Variants in KLHL8 observed in about 807,000 individuals in gnomAD.
The protein encoded by KLHL8 is kelch like family member 8, also known as kelch-like protein 8.
In KLHL8, 38 loss-of-function variants were observed where a neutral mutation model predicts 63.5. The ratio of observed to expected loss-of-function variants is 0.60; its 90% CI spans 0.46 to 0.78. The LOEUF (loss-of-function observed/expected upper bound fraction) is 0.78, where lower values mean the gene tolerates loss of function less well. Ranked by LOEUF, KLHL8 falls within the 30% of genes least tolerant of loss-of-function variation. KLHL8 has a pLI of 0.00. For missense variants in KLHL8, 566 were observed against 752.4 expected (o/e 0.75, Z 2.90); for synonymous variants, 224 against 254.3 (o/e 0.88, Z 1.13).
intron 1 of KLHL8, among the ~76,000 whole-genome samples, chr4:87,229,445 G>A (rs1002210529): frequency 3.3e-5 from 5 of 150,720 alleles, no homozygotes; most frequent in Non-Finnish European, 7.4e-5. Context: ...TGGTGGGGGG[G>A]GGTGCAGGGA....
At chr4:87,199,670 A>C (rs1038493547) in intron 1 of KLHL8, among the ~76,000 whole-genome samples, 5 of 152,020 alleles carry the variant, frequency 3.3e-5, no homozygotes, top group African/African-American at 7.2e-5. Flanking sequence ...AAAAACAAAA[A>C]AAAAAAATGA....
intron 1 of KLHL8, among the ~76,000 whole-genome samples, chr4:87,196,103 T>C (rs1003404785): frequency 6.6e-6 from 1 of 151,388 alleles, no homozygotes; most frequent in East Asian, 1.9e-4. Context: ...GCTTGAACCA[T>C]CATACGTGGC....
chr4:87,213,960 T>C (rs1046280444), intron 1 of KLHL8, among the ~76,000 whole-genome samples: 1 of 152,164 alleles, frequency 6.6e-6, no homozygotes, highest in African/African-American at 2.4e-5. Context: ...GCCTCAGCTC[T>C]AAGGTTGTTG....
intron 8 of KLHL8, among the ~76,000 whole-genome samples, chr4:87,169,167 C>T (rs1730540265): frequency 6.6e-6 from 1 of 151,864 alleles, no homozygotes; most frequent in Admixed American, 6.6e-5. Flanking sequence ...TAGCTGGGCA[C>T]GGTAGCACAC....
chr4:87,224,627 T>C (rs1732940804), upstream of KLHL8, among the ~76,000 whole-genome samples: 1 of 152,104 alleles, frequency 6.6e-6, no homozygotes. Context: ...TTACATTTCA[T>C]CCCAATCCTT....
chr4:87,165,781 A>T (rs926170168), intron 8 of KLHL8, among the ~76,000 whole-genome samples: 1 of 152,192 alleles, frequency 6.6e-6, no homozygotes, highest in African/African-American at 2.4e-5. Flanking sequence ...AATGTATTAT[A>T]ACAAAGAATT....
chr4:87,236,794 AGCTGGGATTACAG>A, intron 1 of KLHL8, among the ~76,000 whole-genome samples: 1 of 151,118 alleles, frequency 6.6e-6, no homozygotes, highest in East Asian at 2.0e-4. Flanking sequence ...CCTCCCAAGT[AGCTGGGATTACAG>A]GCGTGCACCA....
chr4:87,189,262 A>G (rs1731383389), intron 2 of KLHL8, among the ~76,000 whole-genome samples: 1 of 152,238 alleles, frequency 6.6e-6, no homozygotes, highest in Admixed American at 6.5e-5. Context: ...TTACACAACC[A>G]GTTAGGTTAC....
chr4:87,218,242 CT>C (rs538856327), intron 1 of KLHL8, among the ~76,000 whole-genome samples: 347 of 145,284 alleles, frequency 2.4e-3, no homozygotes, highest in Non-Finnish European at 2.4e-3. Context: ...ATTTACCCAA[CT>C]TTTTTTTTTT....
At position 87,185,697 on chromosome 4, in the gene KLHL8, G is replaced by A. The variant is rs1731226325; in HGVS notation, c.319C>T (p.Leu107=). Reference sequence around the variant, plus strand: ...CCATCAAAATCTCTAATCTCAATCAGCGTTTGCTTGGCTTCAGCCATTTCA... The same window carrying A: ...CCATCAAAATCTCTAATCTCAATCAACGTTTGCTTGGCTTCAGCCATTTCA... ...LSEMAEAKQT[L]IEIRDFDGDA... The change falls in exon 3 of 10, where the codon CTG becomes TTG. Residue 107 remains leucine, a synonymous_variant. Coordinates refer to ENST00000273963, the MANE Select transcript of KLHL8 (RefSeq NM_020803.5). 6.2e-7 allele frequency: 1 copy of A among 1,613,984 alleles called. No homozygotes were observed. Among genetic ancestry groups the A allele is most frequent in the African/African-American group, 1.3e-5 (1 of 74,892 alleles).
chr4:87,172,284 C>A (rs954229184), intron 6 of KLHL8, among the ~76,000 whole-genome samples: 2 of 152,136 alleles, frequency 1.3e-5, no homozygotes, highest in Non-Finnish European at 2.9e-5. Context: ...CCTATAGCCA[C>A]AAGGAACTGA....
intron 2 of KLHL8, among the ~76,000 whole-genome samples, chr4:87,186,880 G>A (rs995448994): frequency 1.3e-5 from 2 of 151,426 alleles, no homozygotes; most frequent in African/African-American, 4.8e-5. Flanking sequence ...GGAGCAGAGA[G>A]TAAATATTTA....
rs1462584163 is a variant in KLHL8 at position 87,160,844 on chromosome 4, T to C, written c.*2675A>G. On this transcript the variant is annotated 3_prime_UTR_variant, in exon 10 of 10. Coordinates refer to ENST00000273963, the MANE Select transcript of KLHL8 (RefSeq NM_020803.5). Reference sequence around the variant, plus strand: ...TCTCATATCATTTTTTGGTAGGTGCTGTTAACATATGAGGTTAAAGTGGTA... The same window carrying C: ...TCTCATATCATTTTTTGGTAGGTGCCGTTAACATATGAGGTTAAAGTGGTA... 1.3e-5 allele frequency: 2 copies of C among 152,186 alleles called. No individual in the cohort carries two copies. The highest frequency in any genetic ancestry group is 1.3e-4 in the Admixed American group (2 of 15,278). 9.4% of individuals were successfully genotyped at this position (152,186 alleles called of 1,614,324 possible). A position where few individuals can be genotyped will look rare whatever the true frequency, so the allele number is the denominator to read the frequency against.
rs1731479629 is a variant in KLHL8 at position 87,191,361 on chromosome 4, CAG to C, written c.216+3961_216+3962del. Among the ~76,000 whole-genome samples, 6 of 152,072 alleles carry C rather than the reference CAG, an allele frequency of 3.9e-5. No homozygotes were observed. The South Asian group carries it at 1.2e-3, about 32-fold the overall frequency. On this transcript the variant is annotated intron_variant, in intron 2 of 9. Coordinates refer to ENST00000273963, the MANE Select transcript of KLHL8 (RefSeq NM_020803.5). ...GTGTGCACCTGTAGTCTCAGCTACT[CAG>C]GGGGTGGAGTAGGGTTTGGGTCCAG...
In KLHL8 at chr4:87,162,916, G is replaced by A. The variant is rs1467672014; in HGVS notation, c.*603C>T. On this transcript the variant is annotated 3_prime_UTR_variant, in exon 10 of 10. Coordinates refer to ENST00000273963, the MANE Select transcript of KLHL8 (RefSeq NM_020803.5). ...AAACTGAAATTAAAGGCTTCTTATAGCCTATAAGCTTCTGAAAATGCAGCT... is the reference window on the plus strand; with the variant it reads ...AAACTGAAATTAAAGGCTTCTTATAACCTATAAGCTTCTGAAAATGCAGCT... 6.6e-6 allele frequency: 1 copy of A among 152,064 alleles called. No individual in the cohort carries two copies. The highest frequency in any genetic ancestry group is 1.9e-4 in the East Asian group (1 of 5,192). The allele number at this position is 152,064 out of a possible 1,614,324, so 9.4% of individuals were successfully genotyped here.
intron 1 of KLHL8, among the ~76,000 whole-genome samples, chr4:87,198,117 G>C (rs914871587): frequency 1.3e-5 from 2 of 151,068 alleles, no homozygotes; most frequent in East Asian, 2.0e-4. Context: ...TCAGGAGTTC[G>C]AGACCAGCCT....
intron 1 of KLHL8, among the ~76,000 whole-genome samples, chr4:87,226,632 C>T (rs543472017): frequency 0.016 from 926 of 59,342 alleles, 53 homozygotes; most frequent in Non-Finnish European, 0.025. Context: ...ATATATATTA[C>T]TTATATAAAT....
At chr4:87,189,665 C>T (rs944618663) in intron 2 of KLHL8, among the ~76,000 whole-genome samples, 3 of 151,676 alleles carry the variant, frequency 2.0e-5, no homozygotes, top group African/African-American at 7.3e-5. Context: ...TAAATCTGTG[C>T]TTTTGTTGCT....
chr4:87,185,321 T>C lies in KLHL8; in HGVS notation c.695A>G (p.Asn232Ser). The change falls in exon 3 of 10, where the codon AAT (asparagine) becomes AGT (serine). Residue 232 changes from asparagine (N) to serine (S), a missense_variant. Asn to Ser is a conservative substitution (Grantham distance 46). Transcript: ENST00000273963. The stretch of plus-strand genomic sequence containing the variant: ...GGCAAGAAGCCACTTGATGGCAGCA[T>C]TATAGACCTGCTTTTCATTTTCAAT... ...LNIENEKQVY[N>S]AAIKWLLANP... 6.2e-7 allele frequency: 1 copy of C among 1,614,180 alleles called. No homozygotes were observed. The highest frequency in any genetic ancestry group is 1.1e-5 in the South Asian group (1 of 91,086).
Sources: gnomAD v4.1 joint callset for allele counts (sites outside exome capture counted in the v4.1 genomes callset) on GRCh38, gnomAD v4.1.1 for gene constraint, MANE v1.5 for transcripts, NCBI Gene and HGNC (gene_info 2026-07-23, HGNC 2026-07-21) for gene names.